Variants in NKD2 observed in about 807,000 individuals in gnomAD.
NKD2 encodes the protein NKD inhibitor of Wnt signaling pathway 2, also known as protein naked cuticle homolog 2.
NKD2 carries 43 observed loss-of-function variants against 34.8 expected under a neutral mutation model. That is an observed-to-expected ratio of 1.24 (90% CI 0.97 to 1.60). The LOEUF is 1.60. NKD2 is among the 40% of genes most tolerant of loss of function. The pLI, the probability that NKD2 is intolerant of heterozygous loss-of-function variation, is 0.00. For missense variants in NKD2, 675 were observed against 627.1 expected (o/e 1.08, Z -0.82); for synonymous variants, 278 against 265.1 (o/e 1.05, Z -0.47).
At chr5:1,030,964 A>G (rs1345047598) in intron 3 of NKD2, among the ~76,000 whole-genome samples, 1 of 152,034 alleles carries the variant, frequency 6.6e-6, no homozygotes, top group Non-Finnish European at 1.5e-5. Flanking sequence ...CTTAGTGCCC[A>G]TGTGTGGGTG....
At chr5:1,016,244 T>G (rs1040636060) in intron 3 of NKD2, among the ~76,000 whole-genome samples, 4 of 152,242 alleles carry the variant, frequency 2.6e-5, no homozygotes, top group African/African-American at 9.6e-5. Flanking sequence ...CCCGATCCGC[T>G]CTCACGGCGA....
intron 3 of NKD2, among the ~76,000 whole-genome samples, chr5:1,014,922 C>G (rs1755888300): frequency 6.6e-6 from 1 of 152,224 alleles, no homozygotes; most frequent in African/African-American, 2.4e-5. Context: ...AGGCGGCTTG[C>G]ATGGTGGCTT....
At chr5:1,010,020 G>A (rs1296024763) in intron 3 of NKD2, among the ~76,000 whole-genome samples, 4 of 152,202 alleles carry the variant, frequency 2.6e-5, no homozygotes, top group Non-Finnish European at 5.9e-5. Context: ...AACATGGCCA[G>A]AGTCAGAGGC....
chr5:1,011,538 T>C (rs1196855817), intron 3 of NKD2, among the ~76,000 whole-genome samples: 2 of 152,192 alleles, frequency 1.3e-5, no homozygotes, highest in African/African-American at 4.8e-5. Context: ...AGGGCACCCC[T>C]TGTGATGCCT....
At chr5:1,030,065 G>A (rs1235311480) in intron 3 of NKD2, among the ~76,000 whole-genome samples, 2 of 147,658 alleles carry the variant, frequency 1.4e-5, no homozygotes, top group African/African-American at 5.2e-5. Context: ...CAGGTCCCCT[G>A]CACCCTCCCC....
At chr5:1,015,531 G>A (rs1182365714) in intron 3 of NKD2, among the ~76,000 whole-genome samples, 1 of 152,188 alleles carries the variant, frequency 6.6e-6, no homozygotes, top group African/African-American at 2.4e-5. Flanking sequence ...TTCCTGCAGG[G>A]CTCTCAGACA....
In NKD2 at chr5:1,035,459, G is replaced by A. The variant is rs747745749; in HGVS notation, c.645G>A (p.Leu215=). The change falls in exon 8 of 10, where the codon TTG becomes TTA. Residue 215 remains leucine (L), a synonymous_variant. Coordinates refer to ENST00000296849, the MANE Select transcript of NKD2 (RefSeq NM_033120.4). ...AGCCAAGGGTGGCTGACAGGAGGTT[G>A]TCTGCACACGTCAGGTGAGGGCTGG... is the stretch of plus-strand genomic sequence containing the variant. ...AEEPRVADRR[L]SAHVRRPSTD... The A allele has an allele frequency of 2.8e-4, 429 of 1,554,836 alleles. No homozygotes were observed. The highest frequency in any genetic ancestry group is 3.6e-4 in the Non-Finnish European group (410 of 1,149,170).
Position 1,009,623 on chromosome 5 carries a change from C to T in NKD2, c.141+63C>T, listed in dbSNP as rs1475409052. ...CCCGCCCGGGGGCGGGGAGCGGTGT[C>T]AGAGCTGTTCCTGGTGCCCGCCCGC... On this transcript the variant is annotated intron_variant, in intron 3 of 9. Transcript: ENST00000296849. The surrounding 1 kb of genome is among the most constrained non-coding windows in gnomAD (Gnocchi z 6.9). 3.8e-6 allele frequency: 5 copies of T among 1,309,108 alleles called. No individual in the cohort carries two copies. The highest frequency in any genetic ancestry group is 4.9e-6 in the Non-Finnish European group (5 of 1,014,770). The allele number at this position is 1,309,108 out of a possible 1,614,324, so 81.1% of individuals were successfully genotyped here.
At chr5:1,035,190 A>ATGAG (rs1491176814) in intron 7 of NKD2, among the ~76,000 whole-genome samples, 199 bp from the exon 8 acceptor site, 2 of 151,496 alleles carry the variant, frequency 1.3e-5, no homozygotes, top group South Asian at 2.1e-4. Flanking sequence ...GAGTGAGTTA[A>ATGAG]TGAGTGAACG....
At position 1,038,624 on chromosome 5, in the gene NKD2, A is replaced by G. The variant is rs907302375; in HGVS notation, c.*251A>G. ...GGCGGTGAACACATCTGAAGCCACT[A>G]TGTTTCCTGGCTCTAAGGCTCGTCT... is the stretch of plus-strand genomic sequence containing the variant. On this transcript the variant is annotated 3_prime_UTR_variant, in exon 10 of 10. Transcript: ENST00000296849. This position sits in a 1 kb window ranked among gnomAD's most constrained non-coding sequence, Gnocchi z 4.5. 4.1e-6 allele frequency: 3 copies of G among 731,906 alleles called. No homozygotes were observed. Among genetic ancestry groups the G allele is most frequent in the Middle Eastern group, 2.3e-4 (1 of 4,286 alleles). The allele number at this position is 731,906 out of a possible 1,614,324, so 45.3% of individuals were successfully genotyped here. A position where few individuals can be genotyped will look rare whatever the true frequency, so the allele number is the denominator to read the frequency against.
At chr5:1,034,953 G>C (rs1733776470) in intron 7 of NKD2, 50 bp downstream of exon 7, 1 of 1,534,680 alleles carries the variant, frequency 6.5e-7, no homozygotes, top group Non-Finnish European at 8.8e-7. Flanking sequence ...CATTGGCAGG[G>C]GCCTAAGCTG....
intron 3 of NKD2, among the ~76,000 whole-genome samples, chr5:1,019,443 C>T (rs1389209705): frequency 6.6e-6 from 1 of 152,344 alleles, no homozygotes; most frequent in East Asian, 1.9e-4. Context: ...AGCCCCTGCC[C>T]CCTAGAGCCC....
intron 3 of NKD2, among the ~76,000 whole-genome samples, chr5:1,026,248 T>C (rs866914845): frequency 2.9e-4 from 5 of 17,158 alleles, no homozygotes; most frequent in East Asian, 3.5e-3. Context: ...AGTGGGCGTC[T>C]CAGCCCATTG....
rs1410605948 is a variant in NKD2, at chr5:1,008,998, C to G, written c.-60C>G. The stretch of plus-strand genomic sequence containing the variant: ...ATGCGGCCCCCGCGGGCTCCCGGCC[C>G]CGGCTTCAGAACTCAGCCCTGCACC... On this transcript the variant is annotated 5_prime_UTR_variant, in exon 1 of 10. Coordinates refer to ENST00000296849, the MANE Select transcript of NKD2 (RefSeq NM_033120.4). 4 of 419,922 alleles carry G rather than the reference C, an allele frequency of 9.5e-6. No homozygotes were observed. The highest frequency in any genetic ancestry group is 1.3e-5 in the Non-Finnish European group (3 of 239,824). 26.0% of individuals were successfully genotyped at this position (419,922 alleles called of 1,614,324 possible). A position where few individuals can be genotyped will look rare whatever the true frequency, so the allele number is the denominator to read the frequency against.
intron 3 of NKD2, among the ~76,000 whole-genome samples, chr5:1,019,282 G>A (rs2150731931): frequency 6.6e-6 from 1 of 152,314 alleles, no homozygotes; most frequent in South Asian, 2.1e-4. Context: ...CCAGGCCTTG[G>A]ATCCGGTGCC....
chr5:1,009,226 AGCCGACGGGCGG>A lies in NKD2; in HGVS notation c.61+14_61+25del, dbSNP rs1372919419. ...AGAGAGCCCGGAAGGTGAGCGGGCG[AGCCGACGGGCGG>A]GGCGGGGGGCGGCGACCCGGCCCGG... On this transcript the variant is annotated intron_variant, in intron 2 of 9. Coordinates refer to ENST00000296849, the MANE Select transcript of NKD2 (RefSeq NM_033120.4). This position sits in a 1 kb window ranked among gnomAD's most constrained non-coding sequence, Gnocchi z 6.9. The A allele has an allele frequency of 2.1e-6, 1 of 486,430 alleles. No homozygotes were observed. The highest frequency in any genetic ancestry group is 2.1e-5 in the African/African-American group (1 of 48,162). The allele number at this position is 486,430 out of a possible 1,614,324, so 30.1% of individuals were successfully genotyped here. A position where few individuals can be genotyped will look rare whatever the true frequency, so the allele number is the denominator to read the frequency against.
Position 1,032,210 on chromosome 5 carries a change from A to AG in NKD2, c.202+1dup. 1.2e-6 allele frequency: 2 copies of AG among 1,608,728 alleles called. No homozygotes were observed. Among genetic ancestry groups the AG allele is most frequent in the South Asian group, 1.1e-5 (1 of 90,792 alleles). The stretch of plus-strand genomic sequence containing the variant: ...TTCCGGGAGGACCAGTGTCCCCTAC[A>AG]GGGTGAGTGCAGCTCCCGCAGCCCT... On this transcript the variant is annotated frameshift_variant and splice_region_variant, in exon 4 of 10. Transcript: ENST00000296849. LOFTEE classifies it high-confidence loss of function.
intron 4 of NKD2, among the ~76,000 whole-genome samples, chr5:1,032,559 G>A (rs1417345131): frequency 6.6e-6 from 1 of 152,250 alleles, no homozygotes; most frequent in Non-Finnish European, 1.5e-5. Context: ...GCTGGAGGAT[G>A]TGTGAGATGC....
At chr5:1,019,272 C>G (rs1756079879) in intron 3 of NKD2, among the ~76,000 whole-genome samples, 1 of 152,180 alleles carries the variant, frequency 6.6e-6, no homozygotes, top group Non-Finnish European at 1.5e-5. Context: ...CCTGCAGCCT[C>G]CAGGCCTTGG....
Sources: gnomAD v4.1 joint callset for allele counts (sites outside exome capture counted in the v4.1 genomes callset) on GRCh38, gnomAD v4.1.1 for gene constraint, Gnocchi (gnomAD v3.1) non-coding constraint, MANE v1.5 for transcripts, NCBI Gene and HGNC (gene_info 2026-07-23, HGNC 2026-07-21) for gene names.